The following VAV3 variants were observed in gnomAD, a reference collection of about 807,000 sequenced individuals.
The protein encoded by VAV3 is guanine nucleotide exchange factor VAV3.
A neutral mutation model predicts 131.2 loss-of-function variants in VAV3; 94 were observed. The ratio of observed to expected loss-of-function variants is 0.72; its 90% CI spans 0.61 to 0.85. The LOEUF is 0.85. Ranked by LOEUF, VAV3 falls within the 40% of genes least tolerant of loss-of-function variation. The pLI is 0.00. For missense variants in VAV3, 939 were observed against 1,002.7 expected (o/e 0.94, Z 0.86); for synonymous variants, 349 against 342.0 (o/e 1.02, Z -0.22).
intron 12 of VAV3, among the ~76,000 whole-genome samples, chr1:107,751,848 A>G (rs989847626): frequency 6.6e-6 from 1 of 152,230 alleles, no homozygotes; most frequent in Non-Finnish European, 1.5e-5. Context: ...GCTAGAGGAA[A>G]AAAGAATTGA....
intron 19 of VAV3, among the ~76,000 whole-genome samples, chr1:107,646,130 T>G (rs1473671644): frequency 1.3e-5 from 2 of 152,092 alleles, no homozygotes; most frequent in Non-Finnish European, 2.9e-5. Context: ...GCTACCATAC[T>G]TCAAAGGATG....
At chr1:107,802,364 G>A (rs1427906256) in intron 2 of VAV3, among the ~76,000 whole-genome samples, 1 of 151,722 alleles carries the variant, frequency 6.6e-6, no homozygotes, top group Non-Finnish European at 1.5e-5. Context: ...TGACCTCACT[G>A]CTCTGGCCAG....
chr1:107,614,633 T>C (rs1224703764), intron 21 of VAV3, among the ~76,000 whole-genome samples: 1 of 152,142 alleles, frequency 6.6e-6, no homozygotes, highest in African/African-American at 2.4e-5. Flanking sequence ...TAGCCACTTC[T>C]TGGGTCAGCA....
chr1:107,847,975 G>C (rs1283730833), intron 2 of VAV3, among the ~76,000 whole-genome samples: 3 of 152,074 alleles, frequency 2.0e-5, no homozygotes, highest in African/African-American at 7.2e-5. Context: ...GAAAACTTCA[G>C]GCCAATATCT....
intron 20 of VAV3, among the ~76,000 whole-genome samples, chr1:107,630,470 A>C (rs1289546785): frequency 6.6e-6 from 1 of 152,140 alleles, no homozygotes; most frequent in Non-Finnish European, 1.5e-5. Flanking sequence ...CACTTGACAG[A>C]TAAAACTGAG....
rs922213159 is a variant in VAV3, at chr1:107,689,471, T to C, written c.1706-1065A>G. ...TTACACAAGAAGATTGCCTGGGGCATGGAACAGGAGGTTGGTTTGTTTTTT... is the reference window on the plus strand; with the variant it reads ...TTACACAAGAAGATTGCCTGGGGCACGGAACAGGAGGTTGGTTTGTTTTTT... On this transcript the variant is annotated intron_variant, in intron 17 of 26. Coordinates refer to ENST00000370056, the MANE Select transcript of VAV3 (RefSeq NM_006113.5). Among the ~76,000 whole-genome samples, 9 of 152,242 alleles carry C rather than the reference T, an allele frequency of 5.9e-5. No homozygotes were observed. The East Asian group carries it at 1.7e-3, about 29-fold the overall frequency.
At chr1:107,796,889 T>A (rs1038361705) in intron 2 of VAV3, among the ~76,000 whole-genome samples, 1 of 151,658 alleles carries the variant, frequency 6.6e-6, no homozygotes, top group African/African-American at 2.4e-5. Flanking sequence ...CATCCATATA[T>A]CTGAATCATT....
At chr1:107,745,086 T>C (rs778361654) in intron 15 of VAV3, among the ~76,000 whole-genome samples, 1 of 152,198 alleles carries the variant, frequency 6.6e-6, no homozygotes, top group Non-Finnish European at 1.5e-5. Flanking sequence ...TAGGCAGTTA[T>C]ATCCATATTT....
chr1:107,875,992 T>C (rs1670477561), intron 1 of VAV3, among the ~76,000 whole-genome samples: 1 of 151,968 alleles, frequency 6.6e-6, no homozygotes, highest in African/African-American at 2.4e-5. Flanking sequence ...CTGGCTGAAA[T>C]GACTGTGGAA....
intron 11 of VAV3, among the ~76,000 whole-genome samples, chr1:107,756,393 C>T (rs554594676): frequency 6.6e-6 from 1 of 152,154 alleles, no homozygotes; most frequent in African/African-American, 2.4e-5. Context: ...AGGATAGATC[C>T]ATAAACGACT....
At chr1:107,764,672 G>GC (rs1351810429) in intron 9 of VAV3, among the ~76,000 whole-genome samples, 2 of 152,128 alleles carry the variant, frequency 1.3e-5, no homozygotes, top group Non-Finnish European at 2.9e-5. Context: ...ACAGGCATGA[G>GC]CCACCCTGCC....
At chr1:107,778,091 C>T (rs1665467108) in intron 3 of VAV3, among the ~76,000 whole-genome samples, 1 of 152,060 alleles carries the variant, frequency 6.6e-6, no homozygotes. Flanking sequence ...TTCAGGCAGC[C>T]AGCATATCAC....
At chr1:107,634,752 C>G (rs1654778251) in intron 20 of VAV3, among the ~76,000 whole-genome samples, 1 of 151,062 alleles carries the variant, frequency 6.6e-6, no homozygotes, top group Non-Finnish European at 1.5e-5. Flanking sequence ...CCAGAATCTA[C>G]AATGAACTCA....
In VAV3 at chr1:107,761,186, A is replaced by G. The variant is rs919543490; in HGVS notation, c.922-307T>C. On this transcript the variant is annotated intron_variant, in intron 9 of 26. Transcript: ENST00000370056. ...GGGCAGATCACAAGGTCAGGAGATCAAGACCATCCTGGCTAACATGGTGAA... is the reference window on the plus strand; with the variant it reads ...GGGCAGATCACAAGGTCAGGAGATCGAGACCATCCTGGCTAACATGGTGAA... Among the ~76,000 whole-genome samples, 11 of 152,196 alleles carry G rather than the reference A, an allele frequency of 7.2e-5. 1 individual carries two copies. The South Asian group carries it at 1.7e-3, about 23-fold the overall frequency.
intron 2 of VAV3, among the ~76,000 whole-genome samples, chr1:107,831,263 A>C (rs1031494742): frequency 6.6e-6 from 1 of 152,210 alleles, no homozygotes; most frequent in African/African-American, 2.4e-5. Context: ...CTTTAAAATA[A>C]TATATGACAT....
At chr1:107,695,559 G>A (rs1297993792) in intron 17 of VAV3, among the ~76,000 whole-genome samples, 1 of 152,132 alleles carries the variant, frequency 6.6e-6, no homozygotes, top group Non-Finnish European at 1.5e-5. Flanking sequence ...AATGACTAAT[G>A]AGGTTGATTT....
At chr1:107,808,291 A>C (rs1667157315) in intron 2 of VAV3, among the ~76,000 whole-genome samples, 1 of 152,174 alleles carries the variant, frequency 6.6e-6, no homozygotes, top group African/African-American at 2.4e-5. Flanking sequence ...AATGAAGTGA[A>C]CATGACAGGC....
chr1:107,598,766 A>T (rs1468860135), intron 24 of VAV3, among the ~76,000 whole-genome samples: 1 of 151,670 alleles, frequency 6.6e-6, no homozygotes, highest in Admixed American at 6.6e-5. Context: ...TCATTTTTTT[A>T]AAATATAAAG....
chr1:107,824,749 T>A (rs1255860298), intron 2 of VAV3, among the ~76,000 whole-genome samples: 3 of 152,140 alleles, frequency 2.0e-5, no homozygotes, highest in Non-Finnish European at 4.4e-5. Flanking sequence ...TAAACATATA[T>A]AATGTATTCC....
Sources: allele counts gnomAD v4.1 joint callset (sites outside exome capture counted in the v4.1 genomes callset), GRCh38; gene constraint gnomAD v4.1.1; transcripts MANE v1.5; gene names NCBI Gene and HGNC (gene_info 2026-07-23, HGNC 2026-07-21).